UTP20: variants seen among roughly 807,000 people sequenced by gnomAD.
The protein encoded by UTP20 is small subunit processome component 20 homolog.
UTP20 carries 164 observed loss-of-function variants against 329.5 expected under a neutral mutation model. The ratio of observed to expected loss-of-function variants is 0.50; its 90% CI spans 0.44 to 0.57. The LOEUF (loss-of-function observed/expected upper bound fraction) is 0.57, where lower values mean the gene tolerates loss of function less well. Among genes scored for constraint, UTP20 ranks in the 20% least tolerant of loss-of-function variants. UTP20 has a pLI of 0.00. For missense variants in UTP20, 3,055 were observed against 3,284.2 expected, an observed-to-expected ratio of 0.93 and a Z score of 1.71; for synonymous variants, 1,151 against 1,159.3, an observed-to-expected ratio of 0.99 and a Z score of 0.14.
chr12:101,291,565 C>T (rs893791857), intron 8 of UTP20, 177 bp from the exon 9 acceptor site: 32 of 198,824 alleles, frequency 1.6e-4, no homozygotes, highest in Non-Finnish European at 3.0e-4. Flanking sequence ...AAAAAAAAGA[C>T]TTAGAACAAT....
intron 22 of UTP20, among the ~76,000 whole-genome samples, chr12:101,317,914 T>G (rs1873027246): frequency 6.6e-6 from 1 of 152,226 alleles, no homozygotes; most frequent in South Asian, 2.1e-4. Context: ...TAATTGTAGC[T>G]CCTTTTTATA....
rs372787663 is a variant in UTP20, at chr12:101,299,829, T to C, written c.1578T>C (p.Pro526=). The C allele has an allele frequency of 7.5e-6, 12 of 1,603,770 alleles. No individual in the cohort carries two copies. Among genetic ancestry groups the C allele is most frequent in the Non-Finnish European group, 9.3e-6 (11 of 1,177,062 alleles). ...SQSWAALVVL[P]HIRPLEKEKV... The stretch of plus-strand genomic sequence containing the variant: ...CTTGGGCAGCCCTCGTGGTGTTACC[T>C]CATATTAGGTAAGAAAATAAGCTAT... Residue 526 remains proline, a synonymous_variant, in exon 13 of 62, where the codon CCT becomes CCC. Transcript: ENST00000261637.
chr12:101,355,025 A>G lies in UTP20; in HGVS notation c.5301A>G (p.Gln1767=). 1 of 1,614,174 alleles carries G rather than the reference A, an allele frequency of 6.2e-7. No homozygotes were observed. The highest frequency in any genetic ancestry group is 1.6e-4 in the Middle Eastern group (1 of 6,062). The change falls in exon 41 of 62, where the codon CAA becomes CAG. Residue 1767 remains glutamine, a synonymous_variant. Transcript: ENST00000261637. The stretch of plus-strand genomic sequence containing the variant: ...CAAAGCCTGTCTCTTTCCTTCCTCA[A>G]AACAAGGAAGAAATAGAGAGAACAA... ...CITKPVSFLP[Q]NKEEIERTIK...
intron 12 of UTP20, among the ~76,000 whole-genome samples, chr12:101,297,564 C>T (rs1481869164): frequency 6.6e-6 from 1 of 152,200 alleles, no homozygotes; most frequent in Non-Finnish European, 1.5e-5. Context: ...CAAATTGCTT[C>T]TCTATTAAAA....
intron 44 of UTP20, 90 bp from the exon 45 acceptor site, chr12:101,363,486 G>T: frequency 1.7e-6 from 2 of 1,173,520 alleles, no homozygotes; most frequent in Non-Finnish European, 2.3e-6. Flanking sequence ...TCTTTGATTT[G>T]GACATACCAG....
chr12:101,376,889 C>A (rs1394955093), intron 56 of UTP20, among the ~76,000 whole-genome samples: 1 of 152,032 alleles, frequency 6.6e-6, no homozygotes, highest in African/African-American at 2.4e-5. Context: ...CTCAGGTGAT[C>A]TACCCGCCTC....
At chr12:101,325,876 C>T (rs1233382033) in intron 25 of UTP20, among the ~76,000 whole-genome samples, 1 of 152,238 alleles carries the variant, frequency 6.6e-6, no homozygotes, top group Admixed American at 6.5e-5. Context: ...ATGAACCTGA[C>T]ATCTTCCCAA....
chr12:101,384,901 G>C (rs935247850), intron 60 of UTP20, among the ~76,000 whole-genome samples: 5 of 152,116 alleles, frequency 3.3e-5, no homozygotes, highest in African/African-American at 1.2e-4. Context: ...CATTTAATGA[G>C]CATCTAATAT....
intron 40 of UTP20, 74 bp downstream of exon 40, chr12:101,353,203 G>T: frequency 2.9e-6 from 3 of 1,026,862 alleles, no homozygotes; most frequent in African/African-American, 1.6e-5. Context: ...AATTAAAGAT[G>T]GTGACATTCA....
At chr12:101,320,797 A>G (rs1873124324) in intron 23 of UTP20, 55 bp from the exon 24 acceptor site, 1 of 1,460,864 alleles carries the variant, frequency 6.8e-7, no homozygotes. Flanking sequence ...GTAAATTGCT[A>G]TCCTATGGTA....
At chr12:101,302,635 A>G in intron 15 of UTP20, 82 bp downstream of exon 15, 1 of 882,348 alleles carries the variant, frequency 1.1e-6, no homozygotes, top group Non-Finnish European at 1.7e-6. Flanking sequence ...ACACAAAGAA[A>G]ATCCCTTTGA....
chr12:101,363,490 A>T (rs1213641703), intron 44 of UTP20, 86 bp from the exon 45 acceptor site: 3 of 1,238,046 alleles, frequency 2.4e-6, no homozygotes, highest in Non-Finnish European at 3.3e-6. Context: ...TGATTTGGAC[A>T]TACCAGGGCC....
At position 101,374,821 on chromosome 12, in the gene UTP20, AACTT is replaced by A; in HGVS notation, c.7146_7149del (p.Ala2384ProfsTer2). On this transcript the variant is annotated frameshift_variant, in exon 55 of 62. Coordinates refer to ENST00000261637, the MANE Select transcript of UTP20 (RefSeq NM_014503.3). LOFTEE classifies it high-confidence loss of function. ...TATTTTTGGTAGCGCTTAAATAGACAACTTGCTGCCCTGATCTGTGGCTTGTTTG... is the reference window on the plus strand; with the variant it reads ...TATTTTTGGTAGCGCTTAAATAGACAGCTGCCCTGATCTGTGGCTTGTTTG... The A allele has an allele frequency of 8.8e-7, 1 of 1,132,928 alleles. No homozygotes were observed. Among genetic ancestry groups the A allele is most frequent in the Non-Finnish European group, 1.4e-6 (1 of 740,038 alleles). 70.2% of individuals were successfully genotyped at this position (1,132,928 alleles called of 1,614,324 possible).
chr12:101,311,791 G>C lies in UTP20; in HGVS notation c.2304G>C (p.Thr768=). The stretch of plus-strand genomic sequence containing the variant: ...ATGAGCATCTAGAAAAAGCAGCTAC[G>C]CATGCTGGTATGTAAAGGGGTTGTG... ...VYYEHLEKAA[T]HAEKELQNDM... Residue 768 remains threonine, a synonymous_variant, in exon 20 of 62, where the codon ACG becomes ACC. Coordinates refer to ENST00000261637, the MANE Select transcript of UTP20 (RefSeq NM_014503.3). 1 of 1,611,750 alleles carries C rather than the reference G, an allele frequency of 6.2e-7. No individual in the cohort carries two copies. Among genetic ancestry groups the C allele is most frequent in the Non-Finnish European group, 8.5e-7 (1 of 1,179,410 alleles).
At chr12:101,301,163 C>G (rs1365738665) in intron 14 of UTP20, among the ~76,000 whole-genome samples, 1 of 152,158 alleles carries the variant, frequency 6.6e-6, no homozygotes, top group African/African-American at 2.4e-5. Context: ...AGTTTGCTGA[C>G]CTCTGGGCTA....
Position 101,357,086 on chromosome 12 carries a change from A to G in UTP20, c.5691+4A>G. 1 of 1,604,474 alleles carries G rather than the reference A, an allele frequency of 6.2e-7. No individual in the cohort carries two copies. The highest frequency in any genetic ancestry group is 2.2e-5 in the East Asian group (1 of 44,720). ...TACTCTTGTCCGTGGATACCAGGTA[A>G]ATTGCATCTTGTGCTTTATATTCAA... On this transcript the variant is annotated splice_donor_region_variant and intron_variant, in intron 43 of 61. Coordinates refer to ENST00000261637, the MANE Select transcript of UTP20 (RefSeq NM_014503.3).
intron 38 of UTP20, among the ~76,000 whole-genome samples, chr12:101,350,920 T>C (rs1035396664): frequency 1.5e-4 from 23 of 152,156 alleles, no homozygotes; most frequent in African/African-American, 5.6e-4. Flanking sequence ...CCGTGGACTC[T>C]AGCTACCGTA....
chr12:101,345,715 T>C, intron 37 of UTP20, 21 bp downstream of exon 37: 1 of 1,598,464 alleles, frequency 6.3e-7, no homozygotes, highest in Non-Finnish European at 8.5e-7. Context: ...ATTCTGCTTT[T>C]TCCTACCTAC....
intron 22 of UTP20, among the ~76,000 whole-genome samples, chr12:101,318,488 T>A (rs968660000): frequency 2.6e-5 from 4 of 152,172 alleles, no homozygotes; most frequent in Non-Finnish European, 5.9e-5. Flanking sequence ...CAATCCTGCC[T>A]GGGTGAAATA....
Sources: gnomAD v4.1 joint callset for allele counts (sites outside exome capture counted in the v4.1 genomes callset) on GRCh38, gnomAD v4.1.1 for gene constraint, MANE v1.5 for transcripts, NCBI Gene and HGNC (gene_info 2026-07-23, HGNC 2026-07-21) for gene names.